The following RAG1 variants were observed in gnomAD, a reference collection of about 807,000 sequenced individuals.
RAG1 encodes the protein V(D)J recombination-activating protein 1.
A neutral mutation model predicts 62.7 loss-of-function variants in RAG1; 35 were observed. The ratio of observed to expected loss-of-function variants is 0.56; its 90% CI spans 0.43 to 0.74. RAG1 has a LOEUF of 0.74. Among genes scored for constraint, RAG1 ranks in the 30% least tolerant of loss-of-function variants. RAG1 has a pLI of 0.00. For synonymous variants in RAG1, 461 were observed against 470.3 expected (o/e 0.98, Z 0.26); for missense variants, 1,169 against 1,278.6 (o/e 0.91, Z 1.31).
downstream of RAG1, among the ~76,000 whole-genome samples, chr11:36,538,102 A>G (rs1205671552): frequency 1.3e-5 from 2 of 152,002 alleles, no homozygotes. Context: ...AAATGTTGCA[A>G]TTTTTCTTCT....
At chr11:36,566,579 T>C (rs1370905188), upstream of RAG1, 1 of 152,222 alleles carries the variant, frequency 6.6e-6, no homozygotes, top group Non-Finnish European at 1.5e-5. Flanking sequence ...TCCTCTCTAC[T>C]TGACCTCATT....
At chr11:36,551,601 C>CTTTTTTTT (rs199642455) in intron 3 of RAG1, among the ~76,000 whole-genome samples, 11 of 133,184 alleles carry the variant, frequency 8.3e-5, no homozygotes, top group Non-Finnish European at 1.1e-4. Flanking sequence ...TTAATTACTT[C>CTTTTTTTT]TTTTTTTTTT....
chr11:36,548,744 A>G (rs1850436456), intron 3 of RAG1, among the ~76,000 whole-genome samples: 1 of 152,214 alleles, frequency 6.6e-6, no homozygotes, highest in Non-Finnish European at 1.5e-5. Flanking sequence ...GCTACCAATG[A>G]CTTTCTTCAC....
At chr11:36,518,172 A>T (rs1017071888) in intron 1 of RAG1, among the ~76,000 whole-genome samples, 9 of 152,048 alleles carry the variant, frequency 5.9e-5, no homozygotes, top group Admixed American at 3.3e-4. Flanking sequence ...CATGAAACTC[A>T]TCATTTTTTA....
chr11:36,563,648 G>A (rs1427724879), upstream of RAG1: 1 of 151,998 alleles, frequency 6.6e-6, no homozygotes, highest in Non-Finnish European at 1.5e-5. Flanking sequence ...TAAAATTTAT[G>A]AAAAATTTAG....
intron 3 of RAG1, among the ~76,000 whole-genome samples, chr11:36,557,432 G>A (rs910127457): frequency 3.6e-4 from 52 of 143,830 alleles, no homozygotes; most frequent in African/African-American, 1.0e-3. Flanking sequence ...GACCCCTTGC[G>A]CTTCCCAGGT....
At chr11:36,550,018 C>T (rs1850459509) in intron 3 of RAG1, among the ~76,000 whole-genome samples, 1 of 151,832 alleles carries the variant, frequency 6.6e-6, no homozygotes. Context: ...CACAGGAATG[C>T]AAACCAAACA....
intron 3 of RAG1, among the ~76,000 whole-genome samples, chr11:36,557,750 A>G (rs1590689296): frequency 6.6e-6 from 1 of 152,358 alleles, no homozygotes; most frequent in African/African-American, 2.4e-5. Context: ...TGTAACAATA[A>G]TGAACCCTCT....
Position 36,573,470 on chromosome 11 carries a change from A to T in RAG1, c.166A>T (p.Lys56Ter). Residue 56 changes from lysine (K) to a stop codon, truncating the protein, a stop_gained, in exon 2 of 2, where the codon AAA (lysine) becomes TAA (stop). Coordinates refer to ENST00000299440, the MANE Select transcript of RAG1 (RefSeq NM_000448.3). LOFTEE classifies it high-confidence loss of function. ...QKEKKDSFEG[K>*]PSLEQSPAVL... ...GGAAAAGAAGGATTCCTTTGAGGGG[A>T]AACCCTCTCTGGAGCAATCTCCAGC... 6.2e-7 allele frequency: 1 copy of T among 1,614,194 alleles called. No individual in the cohort carries two copies. Among genetic ancestry groups the T allele is most frequent in the South Asian group, 1.1e-5 (1 of 91,084 alleles).
chr11:36,520,133 A>C (rs942225443), exon 2 of RAG1: 1 of 152,250 alleles, frequency 6.6e-6, no homozygotes, highest in Non-Finnish European at 1.5e-5. Context: ...TTTTGACAGG[A>C]GTGCAATCTG....
In RAG1 at chr11:36,574,182, G is replaced by A; in HGVS notation, c.878G>A (p.Cys293Tyr). 1.2e-6 allele frequency: 2 copies of A among 1,614,186 alleles called. No homozygotes were observed. The highest frequency in any genetic ancestry group is 1.7e-6 in the Non-Finnish European group (2 of 1,180,036). ...GAGCACTTTGTGAAATCCATCTCCT[G>A]CCAGATCTGTGAACACATTCTGGCT... Reference protein sequence around the residue: ...FPEHFVKSISCQICEHILADP... With the variant: ...FPEHFVKSISYQICEHILADP... Residue 293 changes from cysteine (C) to tyrosine (Y), a missense_variant, in exon 2 of 2, where the codon TGC (cysteine) becomes TAC (tyrosine). Cys to Tyr is a radical substitution (Grantham distance 194). Coordinates refer to ENST00000299440, the MANE Select transcript of RAG1 (RefSeq NM_000448.3).
chr11:36,551,601 C>CT (rs199642455), intron 3 of RAG1, among the ~76,000 whole-genome samples: 3,226 of 133,166 alleles, frequency 0.024, 108 homozygotes, highest in African/African-American at 0.072. Flanking sequence ...TTAATTACTT[C>CT]TTTTTTTTTT....
At position 36,574,298 on chromosome 11, in the gene RAG1, C is replaced by A; in HGVS notation, c.994C>A (p.Arg332=). 6.2e-7 allele frequency: 1 copy of A among 1,614,200 alleles called. No individual in the cohort carries two copies. Among genetic ancestry groups the A allele is most frequent in the Non-Finnish European group, 8.5e-7 (1 of 1,180,028 alleles). ...KVMGSYCPSC[R]YPCFPTDLES... is the part of the protein sequence containing the mutation. Reference sequence around the variant, plus strand: ...CATGGGCAGCTATTGTCCCTCTTGCCGATATCCATGCTTCCCTACTGACCT... The same window carrying A: ...CATGGGCAGCTATTGTCCCTCTTGCAGATATCCATGCTTCCCTACTGACCT... Residue 332 remains arginine (R), a synonymous_variant, in exon 2 of 2, where the codon CGA becomes AGA. Coordinates refer to ENST00000299440, the MANE Select transcript of RAG1 (RefSeq NM_000448.3).
chr11:36,541,150 C>T (rs889044389), intron 3 of RAG1, among the ~76,000 whole-genome samples: 2 of 152,126 alleles, frequency 1.3e-5, no homozygotes, highest in Non-Finnish European at 2.9e-5. Flanking sequence ...ACAACAGCTG[C>T]GGGCTGTAAA....
At chr11:36,511,962 A>T (rs1859930359) in intron 1 of RAG1, among the ~76,000 whole-genome samples, 1 of 152,192 alleles carries the variant, frequency 6.6e-6, no homozygotes, top group Admixed American at 6.5e-5. Context: ...ATAAAAATCT[A>T]TTGTGAGAGA....
At chr11:36,572,622 A>G (rs1380872105) in intron 1 of RAG1, among the ~76,000 whole-genome samples, 2 of 152,236 alleles carry the variant, frequency 1.3e-5, no homozygotes, top group Non-Finnish European at 2.9e-5. Context: ...TAATGTAGAC[A>G]CAGCCTTATA....
intron 2 of RAG1, among the ~76,000 whole-genome samples, chr11:36,531,584 C>T (rs78028319): frequency 0.12 from 18,397 of 151,760 alleles, 1,193 homozygotes; most frequent in South Asian, 0.15. Context: ...CTAATTTGAG[C>T]GTAATGTAGA....
intron 3 of RAG1, among the ~76,000 whole-genome samples, chr11:36,550,735 A>C (rs79246407): frequency 1.3e-5 from 2 of 152,006 alleles, no homozygotes; most frequent in South Asian, 4.1e-4. Context: ...CTTAATTCTC[A>C]TGTAGGTTTT....
At chr11:36,562,074 T>A (rs1850592956) in intron 3 of RAG1, among the ~76,000 whole-genome samples, 1 of 152,180 alleles carries the variant, frequency 6.6e-6, no homozygotes, top group Non-Finnish European at 1.5e-5. Context: ...GCCTTTGGCT[T>A]TTATTCTAAC....
Sources: allele counts gnomAD v4.1 joint callset (sites outside exome capture counted in the v4.1 genomes callset), GRCh38; gene constraint gnomAD v4.1.1; transcripts MANE v1.5; gene names NCBI Gene and HGNC (gene_info 2026-07-23, HGNC 2026-07-21).